The following SYCE1 variants were observed in gnomAD, a reference collection of about 807,000 sequenced individuals.
SYCE1 encodes the protein cancer/testis antigen 76.
In SYCE1, 37 loss-of-function variants were observed where a neutral mutation model predicts 55.1. The observed-to-expected ratio is 0.67, with a 90% CI of 0.52 to 0.88. The LOEUF (loss-of-function observed/expected upper bound fraction) is 0.88, where lower values mean the gene tolerates loss of function less well. Ranked by LOEUF, SYCE1 falls within the 40% of genes least tolerant of loss-of-function variation. The pLI, the probability that SYCE1 is intolerant of heterozygous loss-of-function variation, is 0.00. For synonymous variants in SYCE1, 163 were observed against 159.4 expected, an observed-to-expected ratio of 1.02 and a Z score of -0.17; for missense variants, 399 against 416.4, an observed-to-expected ratio of 0.96 and a Z score of 0.36.
At chr10:133,557,482 T>C (rs1851714212) in intron 6 of SYCE1, 2 of 489,378 alleles carry the variant, frequency 4.1e-6, no homozygotes, top group Non-Finnish European at 7.3e-6. Context: ...GGTGGAGAAA[T>C]GGATGGACAA....
intron 1 of SYCE1, among the ~76,000 whole-genome samples, chr10:133,561,819 G>A (rs1312207254): frequency 6.6e-6 from 1 of 151,868 alleles, no homozygotes; most frequent in East Asian, 1.9e-4. Flanking sequence ...TATTGGGTTT[G>A]GCCAATTCTG....
At position 133,559,567 on chromosome 10, in the gene SYCE1, G is replaced by C. The variant is rs187609708; in HGVS notation, c.137-207C>G. ...GATACCGAATGGGGCTGCGGTAACC[G>C]TGTTCAAGAGAAATGAAGTAGGCCA... On this transcript the variant is annotated intron_variant, in intron 2 of 12. Coordinates refer to ENST00000343131, the MANE Select transcript of SYCE1 (RefSeq NM_001143764.3). 493 of 568,606 alleles carry C rather than the reference G, an allele frequency of 8.7e-4. 1 individual carries two copies. The highest frequency in any genetic ancestry group is 3.4e-3 in the Middle Eastern group (7 of 2,060). The allele number at this position is 568,606 out of a possible 1,614,324, so 35.2% of individuals were successfully genotyped here. A position where few individuals can be genotyped will look rare whatever the true frequency, so the allele number is the denominator to read the frequency against.
At chr10:133,564,995 C>T (rs892193498) in intron 1 of SYCE1, among the ~76,000 whole-genome samples, 3 of 149,774 alleles carry the variant, frequency 2.0e-5, no homozygotes, top group Non-Finnish European at 3.0e-5. Flanking sequence ...TGCGTGGAGT[C>T]GGCCTCCCCC....
chr10:133,559,879 GT>G, intron 2 of SYCE1: 1 of 560,344 alleles, frequency 1.8e-6, no homozygotes, highest in South Asian at 2.1e-5. Flanking sequence ...TTGGGACAGG[GT>G]TTTGGGAAAA....
chr10:133,567,116 T>A (rs1481251492), upstream of SYCE1, among the ~76,000 whole-genome samples: 1 of 150,470 alleles, frequency 6.6e-6, no homozygotes, highest in Non-Finnish European at 1.5e-5. Context: ...GGAGTAGGGG[T>A]TGAGGTTATG....
intron 1 of SYCE1, among the ~76,000 whole-genome samples, chr10:133,563,636 G>C (rs1851862617): frequency 6.7e-6 from 1 of 150,160 alleles, no homozygotes; most frequent in Non-Finnish European, 1.5e-5. Context: ...GCTGCAGTGA[G>C]CAGTGATTGT....
upstream of SYCE1, chr10:133,567,933 G>T (rs1319120600): frequency 3.6e-6 from 2 of 547,996 alleles, no homozygotes; most frequent in Non-Finnish European, 3.5e-6. Context: ...GGCAGCATGG[G>T]CAGGACGGTG....
At chr10:133,565,364 G>T in intron 1 of SYCE1, 93 bp downstream of exon 1, 1 of 1,196,764 alleles carries the variant, frequency 8.4e-7, no homozygotes, top group Non-Finnish European at 1.1e-6. Context: ...CATCAGGACT[G>T]ACAGGAAGAA....
chr10:133,557,219 G>A, intron 6 of SYCE1, 63 bp from the exon 7 acceptor site: 2 of 1,397,360 alleles, frequency 1.4e-6, no homozygotes, highest in Non-Finnish European at 2.0e-6. Context: ...ACTGGGCTGG[G>A]GCTTCTGCCT....
chr10:133,556,655 T>C lies in SYCE1; in HGVS notation c.528+104A>G, dbSNP rs2133616269. On this transcript the variant is annotated intron_variant, in intron 8 of 12. Coordinates refer to ENST00000343131, the MANE Select transcript of SYCE1 (RefSeq NM_001143764.3). ...TGTCGATCTTAGCACCACCAGGGCT[T>C]GCTTGGCGACTGGTTGTGGCAGGTG... 5 of 1,213,214 alleles carry C rather than the reference T, an allele frequency of 4.1e-6. No individual in the cohort carries two copies. The East Asian group carries it at 1.3e-4, about 31-fold the overall frequency. The allele number at this position is 1,213,214 out of a possible 1,614,324, so 75.2% of individuals were successfully genotyped here. A position where few individuals can be genotyped will look rare whatever the true frequency, so the allele number is the denominator to read the frequency against.
At chr10:133,558,725 A>G in intron 4 of SYCE1, 152 bp downstream of exon 4, 2 of 751,904 alleles carry the variant, frequency 2.7e-6, no homozygotes, top group Non-Finnish European at 4.4e-6. Context: ...ACACTCCCAC[A>G]AGCAGAGAGG....
downstream of SYCE1, chr10:133,554,347 G>A (rs183147663): frequency 1.1e-5 from 18 of 1,613,318 alleles, no homozygotes; most frequent in African/African-American, 5.3e-5. Context: ...AAAAGGGATC[G>A]CTTTGTCATT....
At position 133,555,782 on chromosome 10, in the gene SYCE1, T is replaced by C; in HGVS notation, c.717A>G (p.Thr239=). The C allele has an allele frequency of 1.9e-6, 3 of 1,612,648 alleles. No homozygotes were observed. The change falls in exon 10 of 13, where the codon ACA becomes ACG. Residue 239 remains threonine, a splice_region_variant and synonymous_variant. Coordinates refer to ENST00000343131, the MANE Select transcript of SYCE1 (RefSeq NM_001143764.3). ...CCCTCTTCCCCTCCACATCTTACAC[T>C]GTGGCTGCAGCCTCCTGGCTGCGGA... ...LFLRSQEAAA[T]VQLFQEEHRK... is the part of the protein sequence containing the mutation.
intron 1 of SYCE1, among the ~76,000 whole-genome samples, 191 bp downstream of exon 1, chr10:133,565,266 T>G (rs1393560920): frequency 6.6e-6 from 1 of 152,224 alleles, no homozygotes; most frequent in Non-Finnish European, 1.5e-5. Context: ...GTTCAATGCT[T>G]TAAGACAAAG....
At chr10:133,562,390 T>TC (rs2133627795) in intron 1 of SYCE1, among the ~76,000 whole-genome samples, 1 of 152,156 alleles carries the variant, frequency 6.6e-6, no homozygotes, top group East Asian at 1.9e-4. Flanking sequence ...AAGTTTTTTT[T>TC]CTTTTCAGTT....
At chr10:133,558,090 C>T in intron 5 of SYCE1, 77 bp downstream of exon 5, 2 of 1,594,752 alleles carry the variant, frequency 1.3e-6, no homozygotes, top group South Asian at 1.1e-5. Flanking sequence ...TTTCAAAAGG[C>T]TTCAGCTGCC....
chr10:133,566,411 A>G (rs944454746), upstream of SYCE1, among the ~76,000 whole-genome samples: 3 of 150,002 alleles, frequency 2.0e-5, no homozygotes, highest in African/African-American at 7.5e-5. Context: ...GATTAGAGCT[A>G]GGGATTAAGG....
Position 133,558,108 on chromosome 10 carries a change from GA to G in SYCE1, c.319+58del, listed in dbSNP as rs199922141. The G allele has an allele frequency of 1.8e-3, 2,954 of 1,606,062 alleles. 17 individuals carry two copies. The highest frequency in any genetic ancestry group is 0.015 in the African/African-American group (1,135 of 74,886). On this transcript the variant is annotated intron_variant, in intron 5 of 12. Transcript: ENST00000343131. ...CAAAAGGCTTCAGCTGCCATAGGGAGAGTGGGCTTCTGTGGGTTGGCAAAGG... is the reference window on the plus strand; with the variant it reads ...CAAAAGGCTTCAGCTGCCATAGGGAGGTGGGCTTCTGTGGGTTGGCAAAGG...
downstream of SYCE1, chr10:133,554,453 A>C: frequency 1.2e-6 from 1 of 868,100 alleles, no homozygotes; most frequent in Non-Finnish European, 2.0e-6. Context: ...AACATGTATC[A>C]GATGCACATG....
Sources: allele counts gnomAD v4.1 joint callset (sites outside exome capture counted in the v4.1 genomes callset), GRCh38; gene constraint gnomAD v4.1.1; transcripts MANE v1.5; gene names NCBI Gene and HGNC (gene_info 2026-07-23, HGNC 2026-07-21).